The following MALRD1 variants were observed in gnomAD, a reference collection of about 807,000 sequenced individuals.
MALRD1 encodes the protein MAM and LDL receptor class A domain containing 1, also known as MAM and LDL-receptor class A domain-containing protein 1.
A neutral mutation model predicts 242.1 loss-of-function variants in MALRD1; 247 were observed. That is an observed-to-expected ratio of 1.02 (90% CI 0.92 to 1.13). MALRD1 has a LOEUF of 1.13. MALRD1 is among the 50% of genes most tolerant of loss of function. The pLI is 0.00. For synonymous variants in MALRD1, 995 were observed against 866.6 expected, an observed-to-expected ratio of 1.15 and a Z score of -2.60; for missense variants, 2,989 against 2,533.1, an observed-to-expected ratio of 1.18 and a Z score of -3.86.
intron 38 of MALRD1, among the ~76,000 whole-genome samples, chr10:19,714,420 C>T (rs193006166): frequency 6.6e-6 from 1 of 152,192 alleles, no homozygotes; most frequent in East Asian, 1.9e-4. Flanking sequence ...GGTGTTCTTC[C>T]ACCAGAGTGT....
At chr10:19,460,169 A>G (rs145475899) in intron 29 of MALRD1, among the ~76,000 whole-genome samples, 3 of 152,140 alleles carry the variant, frequency 2.0e-5, no homozygotes. Context: ...CTTTATACTC[A>G]TATATAATTT....
intron 12 of MALRD1, among the ~76,000 whole-genome samples, chr10:19,161,550 C>CAAAAAAAAAAAAAAAAAAAAAAAA: frequency 4.9e-5 from 3 of 60,836 alleles, no homozygotes; most frequent in East Asian, 5.4e-4. Flanking sequence ...AAAAAAAAAG[C>CAAAAAAAAAAAAAAAAAAAAAAAA]AAAAAAAAAA....
intron 28 of MALRD1, among the ~76,000 whole-genome samples, chr10:19,431,685 A>G (rs1834134035): frequency 6.6e-6 from 1 of 152,182 alleles, no homozygotes; most frequent in African/African-American, 2.4e-5. Context: ...GTTCCTTTAT[A>G]CACAGTTGCT....
chr10:19,081,926 T>C (rs904646501), intron 2 of MALRD1, among the ~76,000 whole-genome samples: 1 of 152,044 alleles, frequency 6.6e-6, no homozygotes, highest in Non-Finnish European at 1.5e-5. Context: ...AGACAGCATA[T>C]GGTTAGATCA....
At chr10:19,633,461 C>T (rs965365084) in intron 36 of MALRD1, among the ~76,000 whole-genome samples, 2 of 152,122 alleles carry the variant, frequency 1.3e-5, no homozygotes, top group Non-Finnish European at 2.9e-5. Flanking sequence ...CATGTCAAAG[C>T]AGAGTGAGAG....
At chr10:19,238,433 A>AATGTATATT (rs1838536315) in intron 18 of MALRD1, among the ~76,000 whole-genome samples, 2 of 70,976 alleles carry the variant, frequency 2.8e-5, no homozygotes, top group Non-Finnish European at 4.9e-5. Flanking sequence ...CATTATATAT[A>AATGTATATT]ATATATAATA....
intron 38 of MALRD1, among the ~76,000 whole-genome samples, chr10:19,704,249 C>G (rs903372168): frequency 3.9e-5 from 6 of 152,188 alleles, no homozygotes; most frequent in Non-Finnish European, 7.4e-5. Context: ...GCTATTGCAA[C>G]AAAATACCAT....
chr10:19,432,305 T>A (rs1834165733), intron 28 of MALRD1, among the ~76,000 whole-genome samples: 1 of 152,202 alleles, frequency 6.6e-6, no homozygotes, highest in African/African-American at 2.4e-5. Context: ...ATTCACTGTT[T>A]AGGAAAAACA....
At chr10:19,372,394 G>A (rs984835056) in intron 26 of MALRD1, among the ~76,000 whole-genome samples, 2 of 151,802 alleles carry the variant, frequency 1.3e-5, no homozygotes, top group Non-Finnish European at 2.9e-5. Flanking sequence ...AAATAGAAAG[G>A]TGTTAAAAAT....
At chr10:19,461,770 G>C (rs1242830288) in intron 29 of MALRD1, among the ~76,000 whole-genome samples, 3 of 152,096 alleles carry the variant, frequency 2.0e-5, no homozygotes. Flanking sequence ...CTTGAGCCTG[G>C]GAGGTTGAGG....
At chr10:19,324,197 T>C (rs1588910478) in intron 22 of MALRD1, 92 bp downstream of exon 22, 1 of 1,255,340 alleles carries the variant, frequency 8.0e-7, no homozygotes, top group East Asian at 2.6e-5. Flanking sequence ...TGTTAATAAG[T>C]GAAAATGGAC....
At chr10:19,395,480 A>G (rs1230491687) in intron 28 of MALRD1, among the ~76,000 whole-genome samples, 1 of 152,150 alleles carries the variant, frequency 6.6e-6, no homozygotes, top group African/African-American at 2.4e-5. Context: ...CATTCCTTTG[A>G]GTTTCTGATT....
At chr10:19,064,351 G>T (rs1426662715) in intron 1 of MALRD1, among the ~76,000 whole-genome samples, 1 of 152,186 alleles carries the variant, frequency 6.6e-6, no homozygotes, top group East Asian at 1.9e-4. Context: ...GAATGTGGAT[G>T]TGTGGCATAT....
At chr10:19,609,060 AAATAT>A (rs1267713570) in intron 35 of MALRD1, among the ~76,000 whole-genome samples, 4 of 152,096 alleles carry the variant, frequency 2.6e-5, no homozygotes, top group African/African-American at 9.6e-5. Context: ...ATAGGAGCAC[AAATAT>A]AATATGTTAT....
chr10:19,080,566 T>C (rs1011384662), intron 2 of MALRD1, among the ~76,000 whole-genome samples: 2 of 152,072 alleles, frequency 1.3e-5, no homozygotes, highest in Admixed American at 6.6e-5. Flanking sequence ...GCTACCCATA[T>C]GCAAAAAATT....
At chr10:19,430,413 G>A (rs981905658) in intron 28 of MALRD1, among the ~76,000 whole-genome samples, 36 of 151,820 alleles carry the variant, frequency 2.4e-4, no homozygotes, top group African/African-American at 8.7e-4. Flanking sequence ...CCATGCCCCG[G>A]CCTCCTCATT....
intron 14 of MALRD1, among the ~76,000 whole-genome samples, chr10:19,190,239 TAATC>T (rs1222322559): frequency 6.6e-6 from 1 of 151,964 alleles, no homozygotes; most frequent in Non-Finnish European, 1.5e-5. Flanking sequence ...CTTTAGGAAT[TAATC>T]AAGATGGTGA....
chr10:19,469,303 T>C (rs1479414263), intron 29 of MALRD1, among the ~76,000 whole-genome samples: 2 of 152,196 alleles, frequency 1.3e-5, no homozygotes. Context: ...AATTACATAC[T>C]TTTCTCTTCT....
At chr10:19,178,379 A>G (rs1421278390) in intron 14 of MALRD1, among the ~76,000 whole-genome samples, 1 of 152,202 alleles carries the variant, frequency 6.6e-6, no homozygotes, top group Non-Finnish European at 1.5e-5. Flanking sequence ...TATGGAGAGA[A>G]ACTGAAAGGA....
Sources: gnomAD v4.1 joint callset for allele counts (sites outside exome capture counted in the v4.1 genomes callset) on GRCh38, gnomAD v4.1.1 for gene constraint, MANE v1.5 for transcripts, NCBI Gene and HGNC (gene_info 2026-07-23, HGNC 2026-07-21) for gene names.